Variants in PBX3 observed in about 807,000 individuals in gnomAD.
PBX3 encodes pre-B-cell leukemia transcription factor 3.
A neutral mutation model predicts 48.5 loss-of-function variants in PBX3; 14 were observed. The ratio of observed to expected loss-of-function variants is 0.29; its 90% confidence interval spans 0.19 to 0.45. The LOEUF is 0.45. PBX3 is among the 20% of genes least tolerant of loss of function. The pLI, the probability that PBX3 is intolerant of heterozygous loss-of-function variation, is 1.00. For synonymous variants in PBX3, 210 were observed against 200.3 expected (o/e 1.05, Z -0.41); for missense variants, 386 against 546.7 (o/e 0.71, Z 2.93).
At chr9:125,786,979 C>T (rs760166163) in intron 2 of PBX3, among the ~76,000 whole-genome samples, 10 of 152,152 alleles carry the variant, frequency 6.6e-5, no homozygotes, top group Non-Finnish European at 1.0e-4. Flanking sequence ...CCCACCTCGG[C>T]CTCGCAAAGT....
intron 2 of PBX3, among the ~76,000 whole-genome samples, chr9:125,780,600 C>A (rs539197133): frequency 7.5e-6 from 1 of 133,740 alleles, no homozygotes; most frequent in African/African-American, 2.9e-5. Flanking sequence ...TGGGCAGAGG[C>A]GCCCCTCACC....
At chr9:125,836,786 A>G (rs557968231) in intron 2 of PBX3, among the ~76,000 whole-genome samples, 1 of 152,218 alleles carries the variant, frequency 6.6e-6, no homozygotes, top group East Asian at 1.9e-4. Flanking sequence ...TAAAACTACT[A>G]TGTATCCATA....
intron 2 of PBX3, among the ~76,000 whole-genome samples, chr9:125,915,192 A>T (rs1166825196): frequency 2.6e-5 from 4 of 152,148 alleles, no homozygotes; most frequent in African/African-American, 9.6e-5. Context: ...TTTATTTTTC[A>T]ATTTTTGATT....
At chr9:125,894,096 T>C (rs1311263838) in intron 2 of PBX3, among the ~76,000 whole-genome samples, 1 of 104,490 alleles carries the variant, frequency 9.6e-6, no homozygotes, top group Non-Finnish European at 1.9e-5. Flanking sequence ...CAAAAGGCAT[T>C]TTGTAAATAG....
At chr9:125,802,178 T>C (rs1330448610) in intron 2 of PBX3, among the ~76,000 whole-genome samples, 3 of 152,070 alleles carry the variant, frequency 2.0e-5, no homozygotes, top group Non-Finnish European at 1.5e-5. Flanking sequence ...ACAGGTATAT[T>C]GCGTGATGCT....
chr9:125,782,845 T>G (rs1397065148), intron 2 of PBX3, among the ~76,000 whole-genome samples: 1 of 151,606 alleles, frequency 6.6e-6, no homozygotes, highest in Non-Finnish European at 1.5e-5. Flanking sequence ...AGTAGGCAGG[T>G]TTTTTTTTCT....
intron 2 of PBX3, among the ~76,000 whole-genome samples, chr9:125,776,102 G>T (rs922528438): frequency 6.6e-6 from 1 of 152,052 alleles, no homozygotes; most frequent in African/African-American, 2.4e-5. Flanking sequence ...TTTCCTCAAT[G>T]ATCTGACTAG....
chr9:125,884,660 G>C (rs556009948), intron 2 of PBX3, among the ~76,000 whole-genome samples: 2 of 152,288 alleles, frequency 1.3e-5, no homozygotes, highest in African/African-American at 4.8e-5. Context: ...GACTGAGACT[G>C]TAAAAATTTT....
In PBX3 at chr9:125,910,051, G is replaced by T. The variant is rs180883898; in HGVS notation, c.275-5635G>T. ...TGTGTTGAAAGTGAAGGAAATGGAG[G>T]TGTGGAGAAGCATTATGGGGAATCT... On this transcript the variant is annotated intron_variant, in intron 2 of 8. Transcript: ENST00000373489. Among the ~76,000 whole-genome samples, 245 of 152,254 alleles carry T rather than the reference G, an allele frequency of 1.6e-3. 1 individual carries two copies. The highest frequency in any genetic ancestry group is 2.9e-3 in the Non-Finnish European group (194 of 68,004).
intron 2 of PBX3, among the ~76,000 whole-genome samples, chr9:125,853,132 A>G (rs1252356588): frequency 2.6e-5 from 4 of 152,172 alleles, no homozygotes; most frequent in African/African-American, 9.7e-5. Context: ...CCATGTTAGT[A>G]TTATGCTTCA....
intron 2 of PBX3, among the ~76,000 whole-genome samples, chr9:125,810,592 G>A (rs1237497043): frequency 6.6e-6 from 1 of 152,092 alleles, no homozygotes; most frequent in Admixed American, 6.5e-5. Flanking sequence ...TGGACTTGTG[G>A]ACATTTTTAT....
chr9:125,831,021 G>GC (rs922605017), intron 2 of PBX3, among the ~76,000 whole-genome samples: 1 of 151,928 alleles, frequency 6.6e-6, no homozygotes, highest in African/African-American at 2.4e-5. Context: ...CCTTCCTCCT[G>GC]CCCCCCACCT....
At chr9:125,837,675 T>C (rs562309972) in intron 2 of PBX3, among the ~76,000 whole-genome samples, 60 of 152,170 alleles carry the variant, frequency 3.9e-4, no homozygotes, top group Non-Finnish European at 7.6e-4. Flanking sequence ...GACTTTTTTT[T>C]TTCTCCCTGG....
intron 2 of PBX3, among the ~76,000 whole-genome samples, chr9:125,830,972 A>G (rs1838945582): frequency 6.6e-6 from 1 of 152,274 alleles, no homozygotes; most frequent in African/African-American, 2.4e-5. Context: ...AACCACTAAT[A>G]TGTTATACTT....
intron 3 of PBX3, among the ~76,000 whole-genome samples, chr9:125,926,525 T>C (rs922739260): frequency 3.3e-5 from 5 of 150,782 alleles, no homozygotes; most frequent in Non-Finnish European, 5.9e-5. Flanking sequence ...CTCAAAATAA[T>C]AGGCCAGGTG....
intron 2 of PBX3, among the ~76,000 whole-genome samples, chr9:125,760,601 T>C (rs1836640660): frequency 6.6e-6 from 1 of 152,206 alleles, no homozygotes; most frequent in African/African-American, 2.4e-5. Context: ...ATTTCTGTGG[T>C]CTATTTCATA....
intron 2 of PBX3, among the ~76,000 whole-genome samples, chr9:125,849,089 A>G (rs899835922): frequency 6.6e-6 from 1 of 152,014 alleles, no homozygotes; most frequent in Non-Finnish European, 1.5e-5. Context: ...AAGCTCCAAG[A>G]TGTTAATCAG....
At chr9:125,855,729 A>T (rs1379436079) in intron 2 of PBX3, among the ~76,000 whole-genome samples, 4 of 152,152 alleles carry the variant, frequency 2.6e-5, no homozygotes, top group African/African-American at 9.7e-5. Context: ...CTAGAACCAA[A>T]TGAGGGCAAT....
intron 2 of PBX3, among the ~76,000 whole-genome samples, chr9:125,807,292 C>G (rs1838152868): frequency 6.6e-6 from 1 of 151,758 alleles, no homozygotes; most frequent in South Asian, 2.1e-4. Context: ...GAGATTGCAC[C>G]ACTGCATTCC....
Sources: gnomAD v4.1 joint callset for allele counts (sites outside exome capture counted in the v4.1 genomes callset) on GRCh38, gnomAD v4.1.1 for gene constraint, MANE v1.5 for transcripts, NCBI Gene and HGNC (gene_info 2026-07-23, HGNC 2026-07-21) for gene names.